The following ULK1 variants were observed in gnomAD, a reference collection of about 807,000 sequenced individuals.
ULK1 encodes unc-51 like autophagy activating kinase 1, also known as serine/threonine-protein kinase ULK1.
ULK1 carries 48 observed loss-of-function variants against 117.5 expected under a neutral mutation model. The observed-to-expected ratio is 0.41, with a 90% CI of 0.32 to 0.52. The LOEUF is 0.52. ULK1 is among the 20% of genes least tolerant of loss of function. The pLI is 0.29. For missense variants in ULK1, 1,387 were observed against 1,473.4 expected (o/e 0.94, Z 0.96); for synonymous variants, 790 against 637.8 (o/e 1.24, Z -3.60).
chr12:131,922,786 T>C lies in ULK1; in HGVS notation c.*1425T>C, dbSNP rs905095474. Reference sequence around the variant, plus strand: ...GTTTTTCTTTGCAATACTTGAAATATTGCCACTGTGCTTGGACTTAGAAGA... The same window carrying C: ...GTTTTTCTTTGCAATACTTGAAATACTGCCACTGTGCTTGGACTTAGAAGA... On this transcript the variant is annotated 3_prime_UTR_variant, in exon 28 of 28. Coordinates refer to ENST00000321867, the MANE Select transcript of ULK1 (RefSeq NM_003565.4). 1.3e-5 allele frequency: 2 copies of C among 152,524 alleles called. No homozygotes were observed. Among genetic ancestry groups the C allele is most frequent in the African/African-American group, 4.8e-5 (2 of 41,460 alleles). 9.4% of individuals were successfully genotyped at this position (152,524 alleles called of 1,614,324 possible).
At chr12:131,911,021 G>C (rs1889511892) in intron 12 of ULK1, among the ~76,000 whole-genome samples, 1 of 152,230 alleles carries the variant, frequency 6.6e-6, no homozygotes, top group Non-Finnish European at 1.5e-5. Flanking sequence ...TAGGGCGGCT[G>C]TTTGGTCTGG....
In ULK1 at chr12:131,921,684, C is replaced by T; in HGVS notation, c.*323C>T. On this transcript the variant is annotated 3_prime_UTR_variant, in exon 28 of 28. Coordinates refer to ENST00000321867, the MANE Select transcript of ULK1 (RefSeq NM_003565.4). ...GCAGCCCCGGAGGACAGGCAAGGGCCTGAGACCACTGCCGACTCAAAGCCA... is the reference window on the plus strand; with the variant it reads ...GCAGCCCCGGAGGACAGGCAAGGGCTTGAGACCACTGCCGACTCAAAGCCA... 1.6e-6 allele frequency: 1 copy of T among 609,174 alleles called. No individual in the cohort carries two copies. Among genetic ancestry groups the T allele is most frequent in the Non-Finnish European group, 3.0e-6 (1 of 331,816 alleles). The allele number at this position is 609,174 out of a possible 1,614,324, so 37.7% of individuals were successfully genotyped here. A position where few individuals can be genotyped will look rare whatever the true frequency, so the allele number is the denominator to read the frequency against.
At chr12:131,909,305 C>T in intron 8 of ULK1, 68 bp downstream of exon 8, 6 of 1,474,732 alleles carry the variant, frequency 4.1e-6, no homozygotes, top group East Asian at 2.5e-5. Context: ...TGCGGTCAGA[C>T]GCCCCCTGCG....
rs1282882359 is a variant in ULK1 at position 131,920,559 on chromosome 12, C to G, written c.2961+423C>G. ...CCCTCTGCCTCTGAGGTGGTGCCCC[C>G]TTTTCGTTTATTTTTTGTTGTTTTT... On this transcript the variant is annotated intron_variant, in intron 26 of 27. Coordinates refer to ENST00000321867, the MANE Select transcript of ULK1 (RefSeq NM_003565.4). 2.4e-5 allele frequency: 5 copies of G among 206,356 alleles called. No individual in the cohort carries two copies. The South Asian group carries it at 4.6e-4, about 19-fold the overall frequency. 12.8% of individuals were successfully genotyped at this position (206,356 alleles called of 1,614,324 possible).
At position 131,920,155 on chromosome 12, in the gene ULK1, C is replaced by T; in HGVS notation, c.2961+19C>T. 2.5e-6 allele frequency: 4 copies of T among 1,605,310 alleles called. No individual in the cohort carries two copies. The highest frequency in any genetic ancestry group is 3.4e-6 in the Non-Finnish European group (4 of 1,173,794). ...GCAGATGGTACGGGACAGACAGACA[C>T]CAGTGGGGCAGGGGCCAGGAACTTC... On this transcript the variant is annotated intron_variant, in intron 26 of 27. Transcript: ENST00000321867.
chr12:131,900,480 C>T (rs1382197015), intron 3 of ULK1, among the ~76,000 whole-genome samples: 4 of 152,226 alleles, frequency 2.6e-5, no homozygotes, highest in African/African-American at 4.8e-5. Flanking sequence ...GAGCACCTGG[C>T]CTCCTTACTG....
At chr12:131,897,497 A>G (rs560798713) in intron 3 of ULK1, 4 of 151,966 alleles carry the variant, frequency 2.6e-5, no homozygotes, top group Admixed American at 6.6e-5. Flanking sequence ...CGCCACACCC[A>G]CCTCTCTGCG....
intron 16 of ULK1, among the ~76,000 whole-genome samples, 185 bp from the exon 17 acceptor site, chr12:131,914,898 T>A (rs988083846): frequency 2.6e-5 from 4 of 152,316 alleles, no homozygotes; most frequent in Admixed American, 6.5e-5. Flanking sequence ...GTGTGGCCGG[T>A]TACCTGGACA....
In ULK1 at chr12:131,908,912, G is replaced by T; in HGVS notation, c.505G>T (p.Ala169Ser). The change falls in exon 7 of 28, where the codon GCG becomes TCG. Residue 169 changes from alanine (A) to serine (S), a missense_variant. Transcript: ENST00000321867. ...IRVKIADFGF[A>S]RYLQSNMMAA... ...CTCTCCCGCAGCTGACTTCGGCTTC[G>T]CGCGGTACCTCCAGAGCAACATGAT... The T allele has an allele frequency of 1.2e-6, 2 of 1,611,424 alleles. No homozygotes were observed. The highest frequency in any genetic ancestry group is 1.1e-5 in the South Asian group (1 of 91,090).
chr12:131,894,990 C>T lies in ULK1; in HGVS notation c.-12C>T, dbSNP rs778955938. ...GCCACCCCCCGCCCCGCGCCCCCGG[C>T]CCGCCTGCGCCATGGAGCCCGGCCG... is the stretch of plus-strand genomic sequence containing the variant. On this transcript the variant is annotated 5_prime_UTR_variant, in exon 1 of 28. Transcript: ENST00000321867. The T allele has an allele frequency of 1.5e-5, 21 of 1,395,624 alleles. No homozygotes were observed. The South Asian group carries it at 2.9e-4, about 19-fold the overall frequency. 86.5% of individuals were successfully genotyped at this position (1,395,624 alleles called of 1,614,324 possible). A position where few individuals can be genotyped will look rare whatever the true frequency, so the allele number is the denominator to read the frequency against.
At chr12:131,905,644 C>T (rs1889244621) in intron 3 of ULK1, among the ~76,000 whole-genome samples, 1 of 152,146 alleles carries the variant, frequency 6.6e-6, no homozygotes, top group African/African-American at 2.4e-5. Context: ...GTGTGGGGCC[C>T]TTGCTCCTCC....
chr12:131,907,639 G>A, intron 5 of ULK1, 108 bp downstream of exon 5: 1 of 1,370,108 alleles, frequency 7.3e-7, no homozygotes, highest in Non-Finnish European at 9.8e-7. Flanking sequence ...TGGGTCCTTG[G>A]CTCATTGTGA....
chr12:131,921,186 G>T lies in ULK1; in HGVS notation c.3048G>T (p.Gly1016=). 1.2e-6 allele frequency: 2 copies of T among 1,606,204 alleles called. No homozygotes were observed. Among genetic ancestry groups the T allele is most frequent in the Non-Finnish European group, 8.5e-7 (1 of 1,179,888 alleles). ...ACAAGGCCCTGCTGCTCCTGGAGGGGCTGCAGCACATGCTCTCGGACCAGG... is the reference window on the plus strand; with the variant it reads ...ACAAGGCCCTGCTGCTCCTGGAGGGTCTGCAGCACATGCTCTCGGACCAGG... ...RYHKALLLLE[G]LQHMLSDQAD... is the part of the protein sequence containing the mutation. Residue 1016 remains glycine (G), a synonymous_variant, in exon 27 of 28, where the codon GGG becomes GGT. Transcript: ENST00000321867.
chr12:131,899,165 C>G lies in ULK1; in HGVS notation c.246+3341C>G, dbSNP rs572843270. Among the ~76,000 whole-genome samples, 3 of 151,680 alleles carry G rather than the reference C, an allele frequency of 2.0e-5. No homozygotes were observed. The South Asian group carries it at 6.2e-4, about 32-fold the overall frequency. ...TACAGGCATGAGCCACCATGCCCAG[C>G]CTGCCTGATATATTTCTATATTTTA... is the stretch of plus-strand genomic sequence containing the variant. On this transcript the variant is annotated intron_variant, in intron 3 of 27. Transcript: ENST00000321867.
In ULK1 at chr12:131,918,972, G is replaced by C. The variant is rs1454681676; in HGVS notation, c.2512-240G>C. On this transcript the variant is annotated intron_variant, in intron 23 of 27. Coordinates refer to ENST00000321867, the MANE Select transcript of ULK1 (RefSeq NM_003565.4). ...TGGGGTGCAGGGTGTGGGGTGCAGG[G>C]TGTGTGGGGTGTCGGGTGTGTGGGG... is the stretch of plus-strand genomic sequence containing the variant. Among the ~76,000 whole-genome samples, 290 of 130,584 alleles carry C rather than the reference G, an allele frequency of 2.2e-3. 16 individuals carry two copies. In the South Asian group the frequency reaches 0.042, roughly 19 times the overall value. 85.7% of individuals were successfully genotyped at this position (130,584 alleles called of 152,430 possible). A position where few individuals can be genotyped will look rare whatever the true frequency, so the allele number is the denominator to read the frequency against.
Position 131,914,435 on chromosome 12 carries a change from T to C in ULK1, c.1331T>C (p.Ile444Thr). 1 of 1,612,750 alleles carries C rather than the reference T, an allele frequency of 6.2e-7. No individual in the cohort carries two copies. The highest frequency in any genetic ancestry group is 1.7e-5 in the Admixed American group (1 of 60,018). ...ACGCAGGTGCAGAACTACCAGCGCA[T>C]TGAGCGAAACCTGCAGTCACCCACC... ...VPTQVQNYQR[I>T]ERNLQSPTQF... The change falls in exon 16 of 28, where the codon ATT becomes ACT. Residue 444 changes from isoleucine (I) to threonine (T), a missense_variant. Physicochemically the swap from Ile to Thr is moderately conservative, Grantham distance 89 (BLOSUM62 -1). This residue lies in a region of ULK1 where 900 missense variants were observed against 858.9 expected (regional missense o/e 1.05). Coordinates refer to ENST00000321867, the MANE Select transcript of ULK1 (RefSeq NM_003565.4).
At chr12:131,919,814 C>T (rs1449586305) in intron 25 of ULK1, 165 bp from the exon 26 acceptor site, 3 of 1,162,282 alleles carry the variant, frequency 2.6e-6, no homozygotes, top group African/African-American at 1.5e-5. Context: ...CGGATGGCAC[C>T]CGGGACAAGG....
intron 22 of ULK1, chr12:131,918,260 C>T (rs978038714): frequency 8.6e-6 from 5 of 582,154 alleles, no homozygotes; most frequent in African/African-American, 1.9e-5. Context: ...TGGTGGGCAC[C>T]GCAGCCCTTG....
At chr12:131,915,552 CT>C in intron 18 of ULK1, 131 bp downstream of exon 18, 1 of 1,157,206 alleles carries the variant, frequency 8.6e-7, no homozygotes, top group Non-Finnish European at 1.2e-6. Context: ...CAGAAGCCAA[CT>C]GCCTCTCCAC....
Sources: gnomAD v4.1 joint callset for allele counts (sites outside exome capture counted in the v4.1 genomes callset) on GRCh38, gnomAD v4.1.1 for gene constraint, gnomAD v4.1.1 regional missense constraint, MANE v1.5 for transcripts, NCBI Gene and HGNC (gene_info 2026-07-23, HGNC 2026-07-21) for gene names.